PTPRG: variants seen among roughly 807,000 people sequenced by gnomAD.
The protein encoded by PTPRG is receptor-type tyrosine-protein phosphatase gamma.
A neutral mutation model predicts 165.3 loss-of-function variants in PTPRG; 102 were observed. The observed-to-expected ratio is 0.62, with a 90% CI of 0.53 to 0.73. PTPRG has a LOEUF of 0.73. PTPRG is among the 30% of genes least tolerant of loss of function. The pLI is 0.00. For missense variants in PTPRG, 1,866 were observed against 1,861.4 expected (o/e 1.00, Z -0.05); for synonymous variants, 675 against 669.5 (o/e 1.01, Z -0.13).
At chr3:61,876,267 C>CT (rs1327083019) in intron 2 of PTPRG, among the ~76,000 whole-genome samples, 1 of 152,084 alleles carries the variant, frequency 6.6e-6, no homozygotes, top group African/African-American at 2.4e-5. Context: ...GACTGAAGAA[C>CT]TTTTTATAGA....
At chr3:61,913,298 CA>C (rs573195611) in intron 2 of PTPRG, among the ~76,000 whole-genome samples, 23 of 152,306 alleles carry the variant, frequency 1.5e-4, no homozygotes, top group Non-Finnish European at 2.5e-4. Flanking sequence ...TGGCTCACTG[CA>C]AGCTCCGCCT....
At chr3:61,929,535 T>C (rs569749889) in intron 2 of PTPRG, among the ~76,000 whole-genome samples, 32 of 152,328 alleles carry the variant, frequency 2.1e-4, no homozygotes, top group Non-Finnish European at 2.8e-4. Flanking sequence ...GCAAAGTTCA[T>C]GCATTGCACC....
At chr3:61,980,778 T>C (rs558458940) in intron 2 of PTPRG, among the ~76,000 whole-genome samples, 8 of 152,320 alleles carry the variant, frequency 5.3e-5, no homozygotes, top group African/African-American at 1.9e-4. Context: ...CTCTCTATTT[T>C]CCTCCCTTTC....
chr3:62,289,000 A>G (rs1702774783), intron 28 of PTPRG, among the ~76,000 whole-genome samples: 1 of 152,208 alleles, frequency 6.6e-6, no homozygotes, highest in South Asian at 2.1e-4. Flanking sequence ...ATACTAATAA[A>G]TGTTTAAGCC....
intron 2 of PTPRG, among the ~76,000 whole-genome samples, chr3:61,975,770 C>T (rs1440667396): frequency 2.0e-5 from 3 of 152,020 alleles, no homozygotes; most frequent in African/African-American, 7.2e-5. Flanking sequence ...ATCTGTTTAG[C>T]CCCTAAAATT....
At chr3:62,121,175 G>C (rs1489179776) in intron 5 of PTPRG, among the ~76,000 whole-genome samples, 3 of 149,944 alleles carry the variant, frequency 2.0e-5, no homozygotes, top group Non-Finnish European at 3.0e-5. Flanking sequence ...GGATGATCTC[G>C]ATCTCCTGAC....
intron 3 of PTPRG, among the ~76,000 whole-genome samples, chr3:61,992,208 C>T (rs1029013250): frequency 2.0e-5 from 3 of 151,648 alleles, no homozygotes; most frequent in Non-Finnish European, 4.4e-5. Flanking sequence ...AAAGTGACAA[C>T]CAGTTATATG....
rs534934356 is a variant in PTPRG, at chr3:61,698,453, A to G, written c.86-50425A>G. ...TTTGTTCCAATAAAACTTTATTTAC[A>G]TAAACAGGCAGGCTGGATTTGGCCT... is the stretch of plus-strand genomic sequence containing the variant. On this transcript the variant is annotated intron_variant, in intron 1 of 29. Transcript: ENST00000474889. Among the ~76,000 whole-genome samples the G allele has an allele frequency of 2.0e-5, 3 of 152,306 alleles. No individual in the cohort carries two copies. In the East Asian group the frequency reaches 5.8e-4, roughly 29 times the overall value.
At chr3:61,876,430 A>G (rs1483803888) in intron 2 of PTPRG, among the ~76,000 whole-genome samples, 4 of 152,282 alleles carry the variant, frequency 2.6e-5, no homozygotes, top group Non-Finnish European at 4.4e-5. Flanking sequence ...GCTCGTGTCA[A>G]TTTCCTGGTT....
At chr3:61,611,780 CTTTA>C (rs1701175430) in intron 1 of PTPRG, among the ~76,000 whole-genome samples, 2 of 152,308 alleles carry the variant, frequency 1.3e-5, no homozygotes, top group Admixed American at 1.3e-4. Flanking sequence ...TCCAATAAAA[CTTTA>C]TTTATAGACT....
At chr3:61,826,240 CCTT>C (rs2036106400) in intron 2 of PTPRG, among the ~76,000 whole-genome samples, 1 of 151,930 alleles carries the variant, frequency 6.6e-6, no homozygotes, top group Admixed American at 6.6e-5. Flanking sequence ...AATGTTTATC[CCTT>C]CTTCTGTAAA....
At chr3:61,888,845 AGTCT>A (rs2038129344) in intron 2 of PTPRG, among the ~76,000 whole-genome samples, 1 of 152,078 alleles carries the variant, frequency 6.6e-6, no homozygotes, top group Non-Finnish European at 1.5e-5. Context: ...ACTGTTCCTG[AGTCT>A]GTCTTTGAAT....
rs559821924 is a variant in PTPRG at position 62,258,654 on chromosome 3, G to A, written c.2559+3439G>A. On this transcript the variant is annotated intron_variant, in intron 16 of 29. Transcript: ENST00000474889. The stretch of plus-strand genomic sequence containing the variant: ...GGTACCTTTGACTCTTTGTCTAGAA[G>A]TGTTGCTGTAAGCCAGCTTTTTGTT... 2.6e-5 allele frequency among the ~76,000 whole-genome samples: 4 copies of A among 152,328 alleles called. No individual in the cohort carries two copies. The South Asian group carries it at 8.3e-4, about 32-fold the overall frequency.
At chr3:62,163,656 T>C (rs554417618) in intron 7 of PTPRG, among the ~76,000 whole-genome samples, 1 of 152,344 alleles carries the variant, frequency 6.6e-6, no homozygotes, top group East Asian at 1.9e-4. Context: ...AGTACAATTG[T>C]AGTTACCACA....
intron 4 of PTPRG, among the ~76,000 whole-genome samples, chr3:62,007,824 G>T (rs2041332309): frequency 6.6e-6 from 1 of 152,192 alleles, no homozygotes. Context: ...ATATGCAAAA[G>T]CCCTGAGGCA....
chr3:62,036,751 A>G (rs1367114994), intron 4 of PTPRG, among the ~76,000 whole-genome samples: 1 of 152,234 alleles, frequency 6.6e-6, no homozygotes, highest in African/African-American at 2.4e-5. Flanking sequence ...AAAAAAAGCC[A>G]TAGCTAAGGT....
intron 2 of PTPRG, among the ~76,000 whole-genome samples, chr3:61,982,151 G>T (rs1437785854): frequency 6.6e-6 from 1 of 152,088 alleles, no homozygotes; most frequent in Non-Finnish European, 1.5e-5. Flanking sequence ...CTATTTGGGG[G>T]TGTACCTAAC....
At chr3:61,586,235 A>G (rs959047007) in intron 1 of PTPRG, among the ~76,000 whole-genome samples, 1 of 152,256 alleles carries the variant, frequency 6.6e-6, no homozygotes, top group African/African-American at 2.4e-5. Flanking sequence ...GTCAGGAAGG[A>G]CAAGTTCTTC....
chr3:62,177,890 G>A (rs1427026626), intron 8 of PTPRG, among the ~76,000 whole-genome samples: 2 of 152,096 alleles, frequency 1.3e-5, no homozygotes, highest in South Asian at 2.1e-4. Context: ...CTGATTATGC[G>A]ATATGTGATT....
Sources: allele counts gnomAD v4.1 joint callset (sites outside exome capture counted in the v4.1 genomes callset), GRCh38; gene constraint gnomAD v4.1.1; transcripts MANE v1.5; gene names NCBI Gene and HGNC (gene_info 2026-07-23, HGNC 2026-07-21).